MATN2: variants seen among roughly 807,000 people sequenced by gnomAD.
The protein encoded by MATN2 is matrilin 2, also known as matrilin-2.
Under a neutral mutation model 103.2 loss-of-function variants are expected in MATN2, and 69 were observed. The ratio of observed to expected loss-of-function variants is 0.67; its 90% CI spans 0.55 to 0.82. The LOEUF (loss-of-function observed/expected upper bound fraction) is 0.82, where lower values mean the gene tolerates loss of function less well. Among genes scored for constraint, MATN2 ranks in the 40% least tolerant of loss-of-function variants. The pLI, the probability that MATN2 is intolerant of heterozygous loss-of-function variation, is 0.00. For missense variants in MATN2, 1,023 were observed against 1,211.5 expected, an observed-to-expected ratio of 0.84 and a Z score of 2.31; for synonymous variants, 429 against 450.2, an observed-to-expected ratio of 0.95 and a Z score of 0.60.
At position 98,016,297 on chromosome 8, in the gene MATN2, C is replaced by T. The variant is rs1001339301; in HGVS notation, c.1574-243C>T. Among the ~76,000 whole-genome samples, 19 of 152,034 alleles carry T rather than the reference C, an allele frequency of 1.2e-4. 1 individual carries two copies. The highest frequency in any genetic ancestry group is 1.1e-3 in the Admixed American group (17 of 15,256). On this transcript the variant is annotated intron_variant, in intron 10 of 18. Transcript: ENST00000254898. ...CTGAGATGGGAGGATCACTTGAGCCCGGGAGGCAGAGGCTGCAGTGAGTTG... is the reference window on the plus strand; with the variant it reads ...CTGAGATGGGAGGATCACTTGAGCCTGGGAGGCAGAGGCTGCAGTGAGTTG...
intron 3 of MATN2, among the ~76,000 whole-genome samples, chr8:97,935,773 C>G (rs897481189): frequency 6.6e-6 from 1 of 152,238 alleles, no homozygotes; most frequent in Admixed American, 6.5e-5. Context: ...CAGACATGAG[C>G]CACTGTGCCT....
intron 2 of MATN2, among the ~76,000 whole-genome samples, chr8:97,916,468 C>T (rs199679864): frequency 1.3e-5 from 2 of 152,132 alleles, no homozygotes; most frequent in Admixed American, 6.5e-5. Flanking sequence ...GCTGGTTGTA[C>T]AGATTATTTC....
intron 2 of MATN2, among the ~76,000 whole-genome samples, chr8:97,889,467 A>G (rs1477458478): frequency 1.7e-4 from 3 of 17,968 alleles, no homozygotes; most frequent in Admixed American, 1.4e-3. Context: ...GTCTATATAT[A>G]TATATATATA....
At chr8:98,004,836 AGCTCTGCCAGCT>A (rs1436486451) in intron 8 of MATN2, among the ~76,000 whole-genome samples, 1 of 152,310 alleles carries the variant, frequency 6.6e-6, no homozygotes, top group East Asian at 1.9e-4. Flanking sequence ...GGAACTTGCA[AGCTCTGCCAGCT>A]GGGCGGCTCC....
intron 4 of MATN2, among the ~76,000 whole-genome samples, 191 bp from the exon 5 acceptor site, chr8:97,961,217 T>C (rs1811304493): frequency 6.6e-6 from 1 of 152,212 alleles, no homozygotes; most frequent in Non-Finnish European, 1.5e-5. Context: ...ATGGGGGGAT[T>C]ACAGGTGAAT....
chr8:97,956,881 T>C (rs1193190277), intron 4 of MATN2, among the ~76,000 whole-genome samples: 4 of 152,216 alleles, frequency 2.6e-5, no homozygotes, highest in African/African-American at 7.2e-5. Context: ...CTTAGGACTT[T>C]AGGGCCATTC....
chr8:97,872,840 G>A (rs974236597), intron 1 of MATN2, among the ~76,000 whole-genome samples: 2 of 149,718 alleles, frequency 1.3e-5, no homozygotes, highest in Non-Finnish European at 3.0e-5. Flanking sequence ...TATCGCCCAC[G>A]CTAGAGTGCA....
chr8:97,906,735 G>T (rs1471180663), intron 2 of MATN2, among the ~76,000 whole-genome samples: 1 of 152,200 alleles, frequency 6.6e-6, no homozygotes, highest in Non-Finnish European at 1.5e-5. Flanking sequence ...AGTGTTTGGG[G>T]GACACTTACG....
At chr8:98,011,152 AG>A (rs1169597691) in intron 10 of MATN2, among the ~76,000 whole-genome samples, 5 of 152,160 alleles carry the variant, frequency 3.3e-5, no homozygotes, top group African/African-American at 1.2e-4. Context: ...AGAGAGCAAA[AG>A]AGTGCAGGCA....
At chr8:97,952,527 G>A (rs1325362184) in intron 4 of MATN2, among the ~76,000 whole-genome samples, 1 of 152,176 alleles carries the variant, frequency 6.6e-6, no homozygotes, top group African/African-American at 2.4e-5. Context: ...CAAGTTCTCT[G>A]GACTGAGATG....
chr8:97,985,420 C>T (rs1812160128), intron 6 of MATN2, among the ~76,000 whole-genome samples: 1 of 152,190 alleles, frequency 6.6e-6, no homozygotes, highest in African/African-American at 2.4e-5. Flanking sequence ...TGGGATCAAA[C>T]ATCCAAACTG....
chr8:98,011,851 C>T (rs748324), intron 10 of MATN2, among the ~76,000 whole-genome samples: 20,364 of 152,140 alleles, frequency 0.13, 1,423 homozygotes, highest in East Asian at 0.19. Flanking sequence ...CACAGACTTA[C>T]GTGACTCACC....
At chr8:97,938,523 A>T (rs1248066899) in intron 3 of MATN2, among the ~76,000 whole-genome samples, 1 of 152,230 alleles carries the variant, frequency 6.6e-6, no homozygotes, top group Non-Finnish European at 1.5e-5. Context: ...GTTCATCACA[A>T]CACTGTGAAA....
In MATN2 at chr8:97,985,481, T is replaced by G. The variant is rs147642386; in HGVS notation, c.1081+6473T>G. Among the ~76,000 whole-genome samples the G allele has an allele frequency of 2.9e-3, 437 of 152,332 alleles. 4 individuals are homozygous for G. Among genetic ancestry groups the G allele is most frequent in the African/African-American group, 9.4e-3 (390 of 41,580 alleles). ...TATATATTTATTGTTTTTAGCAATG[T>G]TCCCTGATTATGTTCTTCTCCAAAT... On this transcript the variant is annotated intron_variant, in intron 6 of 18. Transcript: ENST00000254898.
intron 5 of MATN2, among the ~76,000 whole-genome samples, chr8:97,972,725 T>C (rs1256903704): frequency 1.3e-5 from 2 of 152,350 alleles, no homozygotes; most frequent in Middle Eastern, 3.4e-3. Flanking sequence ...AGTGGAGTGA[T>C]TTCTCACATG....
intron 5 of MATN2, among the ~76,000 whole-genome samples, chr8:97,961,776 T>C (rs555633773): frequency 6.6e-6 from 1 of 152,238 alleles, no homozygotes; most frequent in Non-Finnish European, 1.5e-5. Context: ...CATGCAAATA[T>C]AACTGTGTGT....
At chr8:97,927,534 C>G (rs1402351891) in intron 2 of MATN2, among the ~76,000 whole-genome samples, 3 of 152,136 alleles carry the variant, frequency 2.0e-5, no homozygotes, top group Non-Finnish European at 4.4e-5. Context: ...TGAACTAGCC[C>G]TTTCAGGGAC....
intron 14 of MATN2, 120 bp from the exon 15 acceptor site, chr8:98,030,342 C>CA (rs2130453006): frequency 1.4e-6 from 1 of 711,204 alleles, no homozygotes; most frequent in East Asian, 2.8e-5. Flanking sequence ...GGAAGGTTGG[C>CA]ATGGACTCTT....
chr8:98,026,256 G>GTTT lies in MATN2; in HGVS notation c.1943-1148_1943-1146dup, dbSNP rs367888514. Among the ~76,000 whole-genome samples the GTTT allele has an allele frequency of 9.2e-3, 1,151 of 124,820 alleles. 22 individuals are homozygous for GTTT. The highest frequency in any genetic ancestry group is 0.032 in the African/African-American group (1,087 of 34,330). 81.9% of individuals were successfully genotyped at this position (124,820 alleles called of 152,430 possible). A position where few individuals can be genotyped will look rare whatever the true frequency, so the allele number is the denominator to read the frequency against. On this transcript the variant is annotated intron_variant, in intron 13 of 18. Coordinates refer to ENST00000254898, the MANE Select transcript of MATN2 (RefSeq NM_002380.5). ...TGGTGATAACTTTTTTTTTAATTTT[G>GTTT]TTTTTTTTTTTTTTACGGAGAGATG...
Sources: allele counts gnomAD v4.1 joint callset (sites outside exome capture counted in the v4.1 genomes callset), GRCh38; gene constraint gnomAD v4.1.1; transcripts MANE v1.5; gene names NCBI Gene and HGNC (gene_info 2026-07-23, HGNC 2026-07-21).